Variants in DNM2 observed in about 807,000 individuals in gnomAD.
DNM2 encodes the protein dynamin 2, also known as dynamin-2.
A neutral mutation model predicts 99.0 loss-of-function variants in DNM2; 15 were observed. The ratio of observed to expected loss-of-function variants is 0.15; its 90% CI spans 0.10 to 0.23. The LOEUF is 0.23. Among genes scored for constraint, DNM2 ranks in the 10% least tolerant of loss-of-function variants. The pLI is 1.00. For synonymous variants in DNM2, 525 were observed against 481.2 expected (o/e 1.09, Z -1.19); for missense variants, 742 against 1,189.4 (o/e 0.62, Z 5.53).
chr19:10,825,162 A>G lies in DNM2; in HGVS notation c.1999A>G (p.Ile667Val), dbSNP rs750490446. Reference protein sequence around the residue: ...RNLVDSYVAIINKSIRDLMPK... With the variant: ...RNLVDSYVAIVNKSIRDLMPK... ...CCTGGTGGACTCATACGTGGCCATC[A>G]TCAACAAGTCCATCCGCGACCTCAT... The change falls in exon 18 of 21, where the codon ATC (isoleucine) becomes GTC (valine). Residue 667 changes from isoleucine (I) to valine (V), a missense_variant. This residue lies in a region of DNM2 where 240 missense variants were observed against 431.3 expected (regional missense o/e 0.56). Coordinates refer to ENST00000389253, the MANE Select transcript of DNM2 (RefSeq NM_001005361.3). The G allele has an allele frequency of 1.9e-6, 3 of 1,614,248 alleles. No homozygotes were observed. Among genetic ancestry groups the G allele is most frequent in the Non-Finnish European group, 2.5e-6 (3 of 1,180,046 alleles).
At chr19:10,760,541 G>A (rs144801689) in intron 2 of DNM2, among the ~76,000 whole-genome samples, 4 of 152,222 alleles carry the variant, frequency 2.6e-5, no homozygotes, top group African/African-American at 9.6e-5. Context: ...TTTCTACTCA[G>A]CATGTCGCCA....
chr19:10,793,562 A>G (rs974725771), intron 7 of DNM2, among the ~76,000 whole-genome samples, 158 bp from the exon 8 acceptor site: 1 of 152,174 alleles, frequency 6.6e-6, no homozygotes, highest in Non-Finnish European at 1.5e-5. Flanking sequence ...TGCCATTGGG[A>G]GCTCTTGAAT....
chr19:10,762,511 C>T (rs912095281), intron 2 of DNM2, among the ~76,000 whole-genome samples: 3 of 152,090 alleles, frequency 2.0e-5, no homozygotes, highest in Admixed American at 6.6e-5. Flanking sequence ...GACAATAACA[C>T]CACCTTGTTA....
At chr19:10,803,433 T>G (rs1427473095) in intron 12 of DNM2, among the ~76,000 whole-genome samples, 2 of 152,144 alleles carry the variant, frequency 1.3e-5, no homozygotes, top group African/African-American at 4.8e-5. Context: ...CCCCTGCCTG[T>G]GGGTGGCAGC....
intron 1 of DNM2, among the ~76,000 whole-genome samples, chr19:10,754,618 C>T (rs984206495): frequency 6.6e-6 from 1 of 151,416 alleles, no homozygotes; most frequent in East Asian, 1.9e-4. Flanking sequence ...TGGAGACAGT[C>T]TCCCTCTGTT....
chr19:10,725,482 C>T (rs1410989285), intron 1 of DNM2, among the ~76,000 whole-genome samples: 1 of 151,076 alleles, frequency 6.6e-6, no homozygotes, highest in Non-Finnish European at 1.5e-5. Context: ...AAAGGCCATG[C>T]AAGGCTCGGT....
In DNM2 at chr19:10,796,626, C is replaced by T. The variant is rs758081614; in HGVS notation, c.1197-754C>T. Among the ~76,000 whole-genome samples the T allele has an allele frequency of 2.0e-5, 3 of 152,150 alleles. No individual in the cohort carries two copies. The highest frequency in any genetic ancestry group is 4.4e-5 in the Non-Finnish European group (3 of 68,010). ...CATTCTCAGACTTCCCTGGAGCCAC[C>T]GACTTCTCTGTCCCTCAGCTCCGGG... On this transcript the variant is annotated intron_variant, in intron 9 of 20. Transcript: ENST00000389253. This position sits in a 1 kb window ranked among gnomAD's most constrained non-coding sequence, Gnocchi z 5.6.
At chr19:10,755,094 C>T (rs2070335839) in intron 1 of DNM2, 1 of 152,190 alleles carries the variant, frequency 6.6e-6, no homozygotes, top group Non-Finnish European at 1.5e-5. Context: ...GAAACAAGGA[C>T]ATGTGTCTAC....
rs1040434471 is a variant in DNM2 at position 10,795,917 on chromosome 19, G to A, written c.1196+478G>A. On this transcript the variant is annotated intron_variant, in intron 9 of 20. Transcript: ENST00000389253. This position sits in a 1 kb window ranked among gnomAD's most constrained non-coding sequence, Gnocchi z 4.2. ...TCCTCGGGTCACCCTGAGGGTTTCC[G>A]GGCAGTGGACTCAGGCATCCGACCC... 2.5e-5 allele frequency: 34 copies of A among 1,386,716 alleles called. No homozygotes were observed. The highest frequency in any genetic ancestry group is 1.3e-4 in the African/African-American group (9 of 70,526). The allele number at this position is 1,386,716 out of a possible 1,614,324, so 85.9% of individuals were successfully genotyped here.
chr19:10,792,710 C>T (rs544406007), intron 7 of DNM2, among the ~76,000 whole-genome samples: 11 of 151,998 alleles, frequency 7.2e-5, no homozygotes, highest in East Asian at 1.9e-4. Flanking sequence ...CAGATTCAAG[C>T]GGTTCTCCTG....
intron 7 of DNM2, among the ~76,000 whole-genome samples, chr19:10,792,505 ACT>A (rs2071786580): frequency 6.6e-6 from 1 of 151,708 alleles, no homozygotes; most frequent in Non-Finnish European, 1.5e-5. Flanking sequence ...ATGCTGAGAG[ACT>A]CTTTTTAAGG....
intron 5 of DNM2, among the ~76,000 whole-genome samples, chr19:10,782,178 G>A (rs1568297518): frequency 6.6e-6 from 1 of 151,680 alleles, no homozygotes; most frequent in African/African-American, 2.4e-5. Context: ...GACTATACAC[G>A]TGTGCTACCA....
chr19:10,734,735 T>A (rs575103860), intron 1 of DNM2, among the ~76,000 whole-genome samples: 12 of 151,410 alleles, frequency 7.9e-5, no homozygotes, highest in East Asian at 1.9e-4. Flanking sequence ...TTTTTTTTTT[T>A]ATCGAGATGG....
chr19:10,778,400 T>C (rs12986320), intron 5 of DNM2, among the ~76,000 whole-genome samples: 141,622 of 151,838 alleles, frequency 0.93, 66,187 homozygotes, highest in East Asian at 1. Flanking sequence ...GCCTGTAATC[T>C]CAGTGCTTTG....
intron 1 of DNM2, among the ~76,000 whole-genome samples, chr19:10,737,892 G>A (rs1466418408): frequency 1.3e-5 from 2 of 152,192 alleles, no homozygotes; most frequent in African/African-American, 2.4e-5. Context: ...CCTGGCATGC[G>A]ATAGGTAATC....
chr19:10,780,423 G>A (rs567188914), intron 5 of DNM2: 3 of 152,534 alleles, frequency 2.0e-5, no homozygotes, highest in African/African-American at 7.2e-5. Flanking sequence ...CCAGGCTGAG[G>A]ATTTGGTGAT....
At chr19:10,777,017 TG>T (rs1333205558) in intron 4 of DNM2, 100 bp from the exon 5 acceptor site, 2 of 1,135,610 alleles carry the variant, frequency 1.8e-6, no homozygotes, top group African/African-American at 1.5e-5. Flanking sequence ...TGATGTGACC[TG>T]GAAGTTTCAG....
rs755204366 is a variant in DNM2 at position 10,775,931 on chromosome 19, C to T, written c.589+25C>T. ...GGTAACCCTGAGCCTAGGGCAGTCCCCTCTTCCAGGTGCCTCTGAGCATGG... is the reference window on the plus strand; with the variant it reads ...GGTAACCCTGAGCCTAGGGCAGTCCTCTCTTCCAGGTGCCTCTGAGCATGG... On this transcript the variant is annotated intron_variant, in intron 4 of 20. Coordinates refer to ENST00000389253, the MANE Select transcript of DNM2 (RefSeq NM_001005361.3). The surrounding 1 kb of genome is among the most constrained non-coding windows in gnomAD (Gnocchi z 4.3). 3.7e-6 allele frequency: 6 copies of T among 1,606,028 alleles called. No homozygotes were observed. The highest frequency in any genetic ancestry group is 5.1e-6 in the Non-Finnish European group (6 of 1,179,778).
At chr19:10,751,194 A>G (rs1218126356) in intron 1 of DNM2, among the ~76,000 whole-genome samples, 1 of 151,968 alleles carries the variant, frequency 6.6e-6, no homozygotes, top group East Asian at 1.9e-4. Flanking sequence ...GAGCGGAATC[A>G]CTCTGAGCTT....
Sources: gnomAD v4.1 joint callset for allele counts (sites outside exome capture counted in the v4.1 genomes callset) on GRCh38, gnomAD v4.1.1 for gene constraint, gnomAD v4.1.1 regional missense constraint, Gnocchi (gnomAD v3.1) non-coding constraint, MANE v1.5 for transcripts, NCBI Gene and HGNC (gene_info 2026-07-23, HGNC 2026-07-21) for gene names.